WWP1: variants seen among roughly 807,000 people sequenced by gnomAD.
WWP1 encodes WW domain containing E3 ubiquitin protein ligase 1, also known as NEDD4-like E3 ubiquitin-protein ligase WWP1.
A neutral mutation model predicts 130.6 loss-of-function variants in WWP1; 49 were observed. That is an observed-to-expected ratio of 0.38 (90% CI 0.30 to 0.48). The LOEUF is 0.48. Among genes scored for constraint, WWP1 ranks in the 20% least tolerant of loss-of-function variants. The probability of loss-of-function intolerance (pLI) is 0.99; values close to 1 mark genes in which losing one functional copy is unlikely to be tolerated. For synonymous variants in WWP1, 332 were observed against 367.8 expected, an observed-to-expected ratio of 0.90 and a Z score of 1.11; for missense variants, 809 against 1,100.6, an observed-to-expected ratio of 0.74 and a Z score of 3.75.
At chr8:86,421,687 G>T (rs1283073248) in intron 9 of WWP1, among the ~76,000 whole-genome samples, 1 of 152,088 alleles carries the variant, frequency 6.6e-6, no homozygotes, top group Non-Finnish European at 1.5e-5. Flanking sequence ...AGCTGGGCGT[G>T]GTGGCTGGCG....
intron 2 of WWP1, among the ~76,000 whole-genome samples, chr8:86,371,442 G>A (rs1320244560): frequency 5.9e-5 from 9 of 152,148 alleles, no homozygotes; most frequent in Non-Finnish European, 1.0e-4. Flanking sequence ...TTTGCCATCT[G>A]AAAACGCCTA....
At chr8:86,442,906 C>T in intron 18 of WWP1, 128 bp downstream of exon 18, 1 of 934,692 alleles carries the variant, frequency 1.1e-6, no homozygotes, top group Non-Finnish European at 1.5e-6. Flanking sequence ...AGAAAGTTTC[C>T]CTGGAGAGTG....
chr8:86,459,449 T>G (rs1287092140), intron 22 of WWP1, among the ~76,000 whole-genome samples: 1 of 152,190 alleles, frequency 6.6e-6, no homozygotes, highest in East Asian at 1.9e-4. Context: ...TGGTGCTTTT[T>G]GGTTAAAAAG....
intron 1 of WWP1, among the ~76,000 whole-genome samples, chr8:86,362,410 G>A (rs949242701): frequency 6.6e-6 from 1 of 151,542 alleles, no homozygotes; most frequent in South Asian, 2.1e-4. Flanking sequence ...GACAGGTCCA[G>A]GAGAAAGTAG....
intron 5 of WWP1, among the ~76,000 whole-genome samples, chr8:86,388,208 A>G (rs958626276): frequency 3.3e-5 from 4 of 122,856 alleles, no homozygotes; most frequent in African/African-American, 1.3e-4. Flanking sequence ...TTACTTTTAT[A>G]TTTCTCTTAG....
chr8:86,422,974 ATGGGTACTTT>A (rs1308769226), intron 9 of WWP1, among the ~76,000 whole-genome samples: 1 of 151,808 alleles, frequency 6.6e-6, no homozygotes, highest in Non-Finnish European at 1.5e-5. Flanking sequence ...AATCTTTTAG[ATGGGTACTTT>A]TGAAATTATA....
Position 86,424,065 on chromosome 8 carries a change from G to A in WWP1, c.1062-1158G>A, listed in dbSNP as rs1205112990. Among the ~76,000 whole-genome samples, 13 of 124,582 alleles carry A rather than the reference G, an allele frequency of 1.0e-4. No homozygotes were observed. The East Asian group carries it at 2.2e-3, about 21-fold the overall frequency. The allele number at this position is 124,582 out of a possible 152,430, so 81.7% of individuals were successfully genotyped here. A position where few individuals can be genotyped will look rare whatever the true frequency, so the allele number is the denominator to read the frequency against. On this transcript the variant is annotated intron_variant, in intron 9 of 24. Transcript: ENST00000517970. Reference sequence around the variant, plus strand: ...TTCCCAGACGGGGCGGCTGCCGGGCGGAGGGGCTCCTCACTTCTCAGATGG... The same window carrying A: ...TTCCCAGACGGGGCGGCTGCCGGGCAGAGGGGCTCCTCACTTCTCAGATGG...
intron 14 of WWP1, among the ~76,000 whole-genome samples, chr8:86,433,564 A>G (rs1810113762): frequency 6.6e-6 from 1 of 151,414 alleles, no homozygotes; most frequent in African/African-American, 2.4e-5. Flanking sequence ...AAAAAAAATT[A>G]TAACAACAAC....
At chr8:86,415,805 G>A (rs760244899) in intron 9 of WWP1, among the ~76,000 whole-genome samples, 5 of 152,040 alleles carry the variant, frequency 3.3e-5, no homozygotes, top group Non-Finnish European at 5.9e-5. Flanking sequence ...TATTTTTCTA[G>A]CACTTAAATT....
At chr8:86,379,986 A>G (rs922442486) in intron 3 of WWP1, among the ~76,000 whole-genome samples, 3 of 152,210 alleles carry the variant, frequency 2.0e-5, no homozygotes, top group Non-Finnish European at 4.4e-5. Flanking sequence ...TTATCACATG[A>G]GCCAGGAGTT....
Position 86,465,996 on chromosome 8 carries a change from A to G in WWP1, c.2670-798A>G, listed in dbSNP as rs187088578. 8.5e-4 allele frequency among the ~76,000 whole-genome samples: 129 copies of G among 152,292 alleles called. 1 individual carries two copies. The highest frequency in any genetic ancestry group is 1.5e-3 in the Non-Finnish European group (103 of 68,032). On this transcript the variant is annotated intron_variant, in intron 24 of 24. Coordinates refer to ENST00000517970, the MANE Select transcript of WWP1 (RefSeq NM_007013.4). ...GTAAGAAGGCACCTGGATAATCTCT[A>G]GAAACCTTCCACATGGGAAAATGAA...
chr8:86,377,736 A>G (rs755533180), intron 3 of WWP1, among the ~76,000 whole-genome samples: 21 of 152,184 alleles, frequency 1.4e-4, no homozygotes, highest in Non-Finnish European at 4.4e-5. Context: ...TAGATTTTAG[A>G]CTTTCAACAG....
At chr8:86,386,348 G>T (rs1188185708) in intron 5 of WWP1, among the ~76,000 whole-genome samples, 1 of 152,126 alleles carries the variant, frequency 6.6e-6, no homozygotes, top group Non-Finnish European at 1.5e-5. Flanking sequence ...GTTCAAGGCT[G>T]CAGTGAACTA....
At chr8:86,408,864 C>T (rs1053480683) in intron 8 of WWP1, among the ~76,000 whole-genome samples, 7 of 151,808 alleles carry the variant, frequency 4.6e-5, no homozygotes, top group East Asian at 3.9e-4. Flanking sequence ...GAGCTGAGAT[C>T]GCGCTACTGC....
At position 86,399,983 on chromosome 8, in the gene WWP1, A is replaced by G. The variant is rs912211786; in HGVS notation, c.539+1345A>G. 7.9e-5 allele frequency among the ~76,000 whole-genome samples: 12 copies of G among 152,330 alleles called. No homozygotes were observed. The South Asian group carries it at 2.1e-3, about 26-fold the overall frequency. On this transcript the variant is annotated intron_variant, in intron 7 of 24. Coordinates refer to ENST00000517970, the MANE Select transcript of WWP1 (RefSeq NM_007013.4). ...CCTGTTTGATGCCAGACATTAGTCC[A>G]AGTATTAAGAATACCAGCCCTGATC...
At chr8:86,434,741 G>A (rs1810193940) in intron 14 of WWP1, among the ~76,000 whole-genome samples, 1 of 152,114 alleles carries the variant, frequency 6.6e-6, no homozygotes, top group African/African-American at 2.4e-5. Flanking sequence ...CTAGAAGAAA[G>A]CCAGGTACCA....
chr8:86,401,988 A>T, intron 7 of WWP1, 31 bp from the exon 8 acceptor site: 1 of 1,515,528 alleles, frequency 6.6e-7, no homozygotes, highest in East Asian at 2.4e-5. Context: ...ATTATACTTA[A>T]ATGATTGAAA....
At chr8:86,397,761 T>C (rs1156428779) in intron 5 of WWP1, among the ~76,000 whole-genome samples, 3 of 152,176 alleles carry the variant, frequency 2.0e-5, no homozygotes, top group Non-Finnish European at 4.4e-5. Context: ...GAAGTATTTG[T>C]CCTTATATAA....
At chr8:86,402,938 G>A (rs1303843794) in intron 8 of WWP1, among the ~76,000 whole-genome samples, 2 of 152,114 alleles carry the variant, frequency 1.3e-5, no homozygotes, top group East Asian at 1.9e-4. Context: ...AATGTACTGC[G>A]AGTTGAATAG....
Sources: gnomAD v4.1 joint callset for allele counts (sites outside exome capture counted in the v4.1 genomes callset) on GRCh38, gnomAD v4.1.1 for gene constraint, MANE v1.5 for transcripts, NCBI Gene and HGNC (gene_info 2026-07-23, HGNC 2026-07-21) for gene names.